Variants in DAPK1 observed in about 807,000 individuals in gnomAD.
The protein encoded by DAPK1 is death-associated protein kinase 1.
A neutral mutation model predicts 144.9 loss-of-function variants in DAPK1; 56 were observed. The observed-to-expected ratio is 0.39, with a 90% CI of 0.31 to 0.48. The LOEUF (loss-of-function observed/expected upper bound fraction) is 0.48. Ranked by LOEUF, DAPK1 falls within the 20% of genes least tolerant of loss-of-function variation. DAPK1 has a pLI of 0.95. For synonymous variants in DAPK1, 690 were observed against 749.0 expected (o/e 0.92, Z 1.29); for missense variants, 1,454 against 1,875.4 (o/e 0.78, Z 4.15).
In DAPK1 at chr9:87,706,680, G is replaced by T; in HGVS notation, c.3609G>T (p.Thr1203=). The T allele has an allele frequency of 1.2e-6, 2 of 1,611,850 alleles. No individual in the cohort carries two copies. The highest frequency in any genetic ancestry group is 2.2e-5 in the South Asian group (2 of 91,036). The change falls in exon 26 of 26, where the codon ACG becomes ACT. Residue 1203 remains threonine, a synonymous_variant. Transcript: ENST00000408954. The surrounding 1 kb of genome is among the most constrained non-coding windows in gnomAD (Gnocchi z 9.0). ...GIEVQVRGLE[T]EKIKCCLLLD... is the part of the protein sequence containing the mutation. ...AGGTCCAGGTCCGCGGCCTGGAGAC[G>T]GAGAAGATCAAGTGCTGCCTGCTGC...
Position 87,640,278 on chromosome 9 carries a change from C to A in DAPK1, c.630-20C>A. On this transcript the variant is annotated intron_variant, in intron 7 of 25. Transcript: ENST00000408954. ...AAGGGGTCATCATTAATGTTCTATG[C>A]CCAACTTTATTTTTAACAGCCTAAG... 1 of 1,607,786 alleles carries A rather than the reference C, an allele frequency of 6.2e-7. No homozygotes were observed. Among genetic ancestry groups the A allele is most frequent in the Non-Finnish European group, 8.5e-7 (1 of 1,177,060 alleles).
At chr9:87,648,690 C>A in intron 14 of DAPK1, 91 bp from the exon 15 acceptor site, 1 of 1,168,822 alleles carries the variant, frequency 8.6e-7, no homozygotes, top group Non-Finnish European at 1.3e-6. Context: ...CAGAGTGGAA[C>A]CAGGCAGGCC....
intron 2 of DAPK1, among the ~76,000 whole-genome samples, chr9:87,579,456 C>A (rs1487676961): frequency 6.6e-6 from 1 of 152,116 alleles, no homozygotes; most frequent in Admixed American, 6.6e-5. Context: ...AGCTTTGGGA[C>A]CCTTCCAGAA....
chr9:87,595,370 T>C (rs1828276897), intron 2 of DAPK1, among the ~76,000 whole-genome samples: 1 of 152,110 alleles, frequency 6.6e-6, no homozygotes, highest in African/African-American at 2.4e-5. Flanking sequence ...TTATATGAGC[T>C]CCAGAGACCC....
chr9:87,651,249 T>G (rs1830433443), intron 16 of DAPK1, among the ~76,000 whole-genome samples: 1 of 152,234 alleles, frequency 6.6e-6, no homozygotes, highest in Non-Finnish European at 1.5e-5. Context: ...CAACAATTAC[T>G]TATGTTCTAT....
intron 3 of DAPK1, among the ~76,000 whole-genome samples, chr9:87,631,117 G>A (rs1266577514): frequency 6.6e-6 from 1 of 152,122 alleles, no homozygotes; most frequent in Non-Finnish European, 1.5e-5. Context: ...CCCTGGGGGA[G>A]CATACTTGGT....
intron 3 of DAPK1, among the ~76,000 whole-genome samples, chr9:87,615,722 C>T (rs1350408611): frequency 2.0e-5 from 3 of 152,194 alleles, no homozygotes; most frequent in Non-Finnish European, 4.4e-5. Flanking sequence ...CCACAGTGGG[C>T]GCCTCCCTGA....
intron 20 of DAPK1, among the ~76,000 whole-genome samples, chr9:87,685,646 C>T (rs1824815135): frequency 6.6e-6 from 1 of 152,222 alleles, no homozygotes; most frequent in South Asian, 2.1e-4. Flanking sequence ...AGTGAGGAAG[C>T]ACAGGCTCTA....
rs567905374 is a variant in DAPK1 at position 87,655,275 on chromosome 9, T to C, written c.1825-2754T>C. ...CGCAGACAGGCTCCCCAGGTTGGCT[T>C]TGATGCTCCCATCATCAGCACACCC... On this transcript the variant is annotated intron_variant, in intron 17 of 25. Transcript: ENST00000408954. Among the ~76,000 whole-genome samples, 3 of 152,312 alleles carry C rather than the reference T, an allele frequency of 2.0e-5. No homozygotes were observed. In the South Asian group the frequency reaches 6.2e-4, roughly 32 times the overall value.
At chr9:87,588,978 TC>T (rs1249917593) in intron 2 of DAPK1, among the ~76,000 whole-genome samples, 1 of 151,682 alleles carries the variant, frequency 6.6e-6, no homozygotes, top group African/African-American at 2.4e-5. Context: ...GACCTCCACT[TC>T]CCAGGTTCAA....
intron 17 of DAPK1, among the ~76,000 whole-genome samples, chr9:87,653,658 C>T (rs1009541411): frequency 4.0e-5 from 6 of 151,490 alleles, no homozygotes; most frequent in Non-Finnish European, 8.8e-5. Context: ...CTGTATTTCT[C>T]TTTTTTATTT....
At chr9:87,550,777 T>A (rs1196687266) in intron 2 of DAPK1, among the ~76,000 whole-genome samples, 4 of 152,262 alleles carry the variant, frequency 2.6e-5, no homozygotes, top group Non-Finnish European at 4.4e-5. Context: ...TTGCTGTTAC[T>A]GCCGAGTAGT....
Position 87,686,386 on chromosome 9 carries a change from C to T in DAPK1, c.2225-165C>T, listed in dbSNP as rs926944482. Among the ~76,000 whole-genome samples the T allele has an allele frequency of 5.9e-5, 9 of 152,158 alleles. No individual in the cohort carries two copies. The highest frequency in any genetic ancestry group is 2.2e-4 in the African/African-American group (9 of 41,440). The stretch of plus-strand genomic sequence containing the variant: ...GAAAAGCCCACAGCCTTGCTGGGAA[C>T]ACTGCTGCCCTGCACGTGTGAGGGC... On this transcript the variant is annotated intron_variant, in intron 20 of 25. Transcript: ENST00000408954. This position sits in a 1 kb window ranked among gnomAD's most constrained non-coding sequence, Gnocchi z 4.2.
intron 3 of DAPK1, among the ~76,000 whole-genome samples, chr9:87,606,232 C>A (rs900471003): frequency 6.6e-6 from 1 of 152,164 alleles, no homozygotes. Flanking sequence ...CCTGCAGGTA[C>A]CTCCACTTTG....
intron 2 of DAPK1, among the ~76,000 whole-genome samples, chr9:87,506,056 T>G (rs1177374715): frequency 6.6e-6 from 1 of 152,178 alleles, no homozygotes; most frequent in Admixed American, 6.5e-5. Flanking sequence ...TATCCACCTG[T>G]GTTTAGACAG....
At chr9:87,633,979 G>A (rs1200694157) in intron 3 of DAPK1, among the ~76,000 whole-genome samples, 1 of 152,234 alleles carries the variant, frequency 6.6e-6, no homozygotes, top group Non-Finnish European at 1.5e-5. Context: ...GGCCAACAGG[G>A]AGTTCTGGGG....
intron 2 of DAPK1, among the ~76,000 whole-genome samples, chr9:87,527,963 A>G (rs1034777585): frequency 1.3e-5 from 2 of 152,224 alleles, no homozygotes; most frequent in Non-Finnish European, 2.9e-5. Flanking sequence ...GAAATGGAAA[A>G]TTAAATTTCA....
rs766782309 is a variant in DAPK1, at chr9:87,658,033, G to C, written c.1829G>C (p.Gly610Ala). The change falls in exon 18 of 26, where the codon GGG (glycine) becomes GCG (alanine). Residue 610 changes from glycine to alanine, a missense_variant. Coordinates refer to ENST00000408954, the MANE Select transcript of DAPK1 (RefSeq NM_004938.4). Reference protein sequence around the residue: ...NCNLDISNKYGRTPLHLAANN... With the variant: ...NCNLDISNKYARTPLHLAANN... ...GCCTTTTTTCTCTCTTCCCAGTATG[G>C]GCGAACGCCTCTGCACCTTGCGGCC... 9.0e-6 allele frequency: 12 copies of C among 1,333,620 alleles called. No homozygotes were observed. Among genetic ancestry groups the C allele is most frequent in the Non-Finnish European group, 1.2e-5 (11 of 925,972 alleles). The allele number at this position is 1,333,620 out of a possible 1,614,324, so 82.6% of individuals were successfully genotyped here. A position where few individuals can be genotyped will look rare whatever the true frequency, so the allele number is the denominator to read the frequency against.
intron 3 of DAPK1, chr9:87,633,082 T>G (rs1020274505): frequency 2.1e-5 from 21 of 978,080 alleles, no homozygotes; most frequent in Non-Finnish European, 2.5e-5. Flanking sequence ...TGAATATATA[T>G]GTAGGAATGA....
Sources: allele counts gnomAD v4.1 joint callset (sites outside exome capture counted in the v4.1 genomes callset), GRCh38; gene constraint gnomAD v4.1.1; non-coding constraint Gnocchi (gnomAD v3.1); transcripts MANE v1.5; gene names NCBI Gene and HGNC (gene_info 2026-07-23, HGNC 2026-07-21).